Variants in MTO1 observed in about 807,000 individuals in gnomAD.
MTO1 encodes the protein mitochondrial tRNA translation optimization 1.
A neutral mutation model predicts 71.6 loss-of-function variants in MTO1; 46 were observed. The observed-to-expected ratio is 0.64, with a 90% confidence interval of 0.51 to 0.82. MTO1 has a LOEUF of 0.82. Ranked by LOEUF, MTO1 falls within the 40% of genes least tolerant of loss-of-function variation. MTO1 has a pLI of 0.00. For missense variants in MTO1, 773 were observed against 867.5 expected, an observed-to-expected ratio of 0.89 and a Z score of 1.37; for synonymous variants, 297 against 312.1, an observed-to-expected ratio of 0.95 and a Z score of 0.51.
Position 73,500,695 on chromosome 6 carries a change from A to G in MTO1, c.2039A>G (p.Tyr680Cys), listed in dbSNP as rs1373432002. Reference sequence around the variant, plus strand: ...AATGAATCATCCAAGACTGATCAATACTTATGTGATGCAGACAGACTTCAA... The same window carrying G: ...AATGAATCATCCAAGACTGATCAATGCTTATGTGATGCAGACAGACTTCAA... ...AMNESSKTDQ[Y>C]LCDADRLQER... Residue 680 changes from tyrosine (Y) to cysteine (C), a missense_variant, in exon 12 of 12, where the codon TAC becomes TGC. Tyr to Cys is a radical substitution (Grantham distance 194, BLOSUM62 -2). Transcript: ENST00000498286. 1.2e-6 allele frequency: 2 copies of G among 1,608,276 alleles called. No individual in the cohort carries two copies. The highest frequency in any genetic ancestry group is 1.7e-6 in the Non-Finnish European group (2 of 1,177,544).
intron 9 of MTO1, among the ~76,000 whole-genome samples, 198 bp downstream of exon 9, chr6:73,482,818 G>C (rs1336770457): frequency 1.0e-5 from 1 of 98,782 alleles, no homozygotes; most frequent in Non-Finnish European, 1.9e-5. Context: ...TTTTGAGACA[G>C]TCTCGCTCTT....
At position 73,482,637 on chromosome 6, in the gene MTO1, T is replaced by C; in HGVS notation, c.1637+17T>C. ...GCCTGTCAGGTATGCATTTTTAATA[T>C]AGACCTTTCTCACTTTTTATAGAAA... On this transcript the variant is annotated intron_variant, in intron 9 of 11. Transcript: ENST00000498286. 6.4e-7 allele frequency: 1 copy of C among 1,565,934 alleles called. No homozygotes were observed. Among genetic ancestry groups the C allele is most frequent in the Non-Finnish European group, 8.6e-7 (1 of 1,158,726 alleles).
chr6:73,476,226 T>A (rs1771315062), intron 4 of MTO1, among the ~76,000 whole-genome samples: 1 of 136,938 alleles, frequency 7.3e-6, no homozygotes, highest in Non-Finnish European at 1.6e-5. Context: ...ATAAAAAAAT[T>A]AGCCAGGCAT....
intron 3 of MTO1, among the ~76,000 whole-genome samples, chr6:73,472,455 G>T (rs1311745189): frequency 2.0e-5 from 3 of 152,018 alleles, no homozygotes; most frequent in Admixed American, 1.3e-4. Flanking sequence ...TATGATTTTA[G>T]GTACATGTGA....
In MTO1 at chr6:73,473,409, G is replaced by C; in HGVS notation, c.580G>C (p.Gly194Arg). 6.2e-7 allele frequency: 1 copy of C among 1,614,124 alleles called. No individual in the cohort carries two copies. The highest frequency in any genetic ancestry group is 1.6e-4 in the Middle Eastern group (1 of 6,062). The change falls in exon 4 of 12, where the codon GGG becomes CGG. Residue 194 changes from glycine (G) to arginine (R), a missense_variant. By Grantham distance (125) the Gly-to-Arg change is moderately radical. Coordinates refer to ENST00000498286, the MANE Select transcript of MTO1 (RefSeq NM_012123.4). ...VYAESVILTT[G>R]TFLRGMIVIG... ...TGCAGAGAGTGTGATTCTGACTACTGGGACATTTCTGAGAGGCATGATTGT... is the reference window on the plus strand; with the variant it reads ...TGCAGAGAGTGTGATTCTGACTACTCGGACATTTCTGAGAGGCATGATTGT...
rs538457463 is a variant in MTO1 at position 73,465,363 on chromosome 6, C to T, written c.218-846C>T. Among the ~76,000 whole-genome samples the T allele has an allele frequency of 1.4e-3, 217 of 151,986 alleles. 1 individual carries two copies. The highest frequency in any genetic ancestry group is 3.4e-3 in the Middle Eastern group (1 of 294). On this transcript the variant is annotated intron_variant, in intron 1 of 11. Transcript: ENST00000498286. ...TATTTTAGTAGAGACGGGGTTTCAC[C>T]GTGTCGCCCAGGGTGGTCTCAAACT...
rs985509587 is a variant in MTO1 at position 73,503,455 on chromosome 6, C to T, written c.*2720C>T. The stretch of plus-strand genomic sequence containing the variant: ...CACAATGTTTGTATGTTAACTTAAA[C>T]AAAATTACATCACTTAATATGTCAA... On this transcript the variant is annotated 3_prime_UTR_variant, in exon 12 of 12. Transcript: ENST00000498286. The T allele has an allele frequency of 6.6e-6, 1 of 152,306 alleles. No individual in the cohort carries two copies. Among genetic ancestry groups the T allele is most frequent in the African/African-American group, 2.4e-5 (1 of 41,576 alleles). The allele number at this position is 152,306 out of a possible 1,614,324, so 9.4% of individuals were successfully genotyped here. A position where few individuals can be genotyped will look rare whatever the true frequency, so the allele number is the denominator to read the frequency against.
At position 73,480,779 on chromosome 6, in the gene MTO1, A is replaced by G. The variant is rs1582685657; in HGVS notation, c.1234A>G (p.Thr412Ala). ...LFFAGQINGT[T>A]GYEEAAAQGV... ...CTTTGCTGGACAGATCAATGGCACC[A>G]CTGGTTATGAGGAAGCTGCAGCTCA... Residue 412 changes from threonine to alanine, a missense_variant, in exon 7 of 12, where the codon ACT becomes GCT. Coordinates refer to ENST00000498286, the MANE Select transcript of MTO1 (RefSeq NM_012123.4). 2 of 1,613,998 alleles carry G rather than the reference A, an allele frequency of 1.2e-6. No homozygotes were observed. The highest frequency in any genetic ancestry group is 2.2e-5 in the South Asian group (2 of 91,086).
At chr6:73,481,969 G>A (rs1771506571) in intron 7 of MTO1, 71 bp from the exon 8 acceptor site, 3 of 1,518,042 alleles carry the variant, frequency 2.0e-6, no homozygotes, top group African/African-American at 2.7e-5. Flanking sequence ...TTGTTTCTGA[G>A]TAGTGTTCTG....
intron 1 of MTO1, among the ~76,000 whole-genome samples, chr6:73,465,550 C>T (rs1179819184): frequency 6.6e-6 from 1 of 151,858 alleles, no homozygotes; most frequent in East Asian, 1.9e-4. Context: ...TTGGTAGATT[C>T]CTCTGGTGCT....
chr6:73,473,016 CTGTAAGTAA>C lies in MTO1; in HGVS notation c.536-347_536-339del, dbSNP rs1771195175. Among the ~76,000 whole-genome samples the C allele has an allele frequency of 3.3e-5, 5 of 152,198 alleles. No homozygotes were observed. The South Asian group carries it at 1.0e-3, about 31-fold the overall frequency. ...TTAGGCCGGGCGCGGTGGCTCACGC[CTGTAAGTAA>C]TCCCAGCGCTTTGGGAGGCAGAGGT... On this transcript the variant is annotated intron_variant, in intron 3 of 11. Transcript: ENST00000498286.
chr6:73,490,974 G>C (rs559241111), intron 9 of MTO1, among the ~76,000 whole-genome samples: 56 of 152,262 alleles, frequency 3.7e-4, no homozygotes, highest in African/African-American at 1.3e-3. Flanking sequence ...CTGAAGTTTT[G>C]CTCACTAGTT....
At chr6:73,462,714 C>T (rs1770862810) in intron 1 of MTO1, among the ~76,000 whole-genome samples, 1 of 151,992 alleles carries the variant, frequency 6.6e-6, no homozygotes, top group South Asian at 2.1e-4. Flanking sequence ...GGCAAAAGAG[C>T]AAAACTCCGT....
intron 6 of MTO1, chr6:73,480,409 T>C: frequency 1.6e-6 from 1 of 629,090 alleles, no homozygotes; most frequent in Non-Finnish European, 2.9e-6. Context: ...TAACTGGGAT[T>C]ACAGGCATGC....
At chr6:73,500,440 TAA>T in intron 11 of MTO1, 132 bp from the exon 12 acceptor site, 2 of 669,434 alleles carry the variant, frequency 3.0e-6, no homozygotes, top group Non-Finnish European at 4.5e-6. Flanking sequence ...GGAAATATGT[TAA>T]GATAATACAT....
chr6:73,489,416 C>T (rs955688240), intron 9 of MTO1, among the ~76,000 whole-genome samples: 11 of 151,510 alleles, frequency 7.3e-5, no homozygotes, highest in Non-Finnish European at 1.2e-4. Context: ...GGTATATCTC[C>T]TAATGCTATC....
chr6:73,475,817 CA>C, intron 4 of MTO1, among the ~76,000 whole-genome samples: 1 of 151,958 alleles, frequency 6.6e-6, no homozygotes. Flanking sequence ...CAACTGGTCT[CA>C]AACTCTTGAC....
chr6:73,480,093 A>G lies in MTO1; in HGVS notation c.1096A>G (p.Arg366Gly). 1 of 1,614,122 alleles carries G rather than the reference A, an allele frequency of 6.2e-7. No individual in the cohort carries two copies. The highest frequency in any genetic ancestry group is 8.5e-7 in the Non-Finnish European group (1 of 1,180,010). ...ACAAGAGAAAATGATCACATGCATC[A>G]GAGGCTTGGAGAAAGCTAAAGTGAT... ...ELQEKMITCI[R>G]GLEKAKVIQP... The change falls in exon 6 of 12, where the codon AGA becomes GGA. Residue 366 changes from arginine to glycine, a missense_variant. Arg to Gly is a moderately radical substitution (Grantham distance 125, BLOSUM62 -2). Transcript: ENST00000498286.
chr6:73,469,737 G>A (rs1374841762), intron 3 of MTO1, among the ~76,000 whole-genome samples: 1 of 152,170 alleles, frequency 6.6e-6, no homozygotes, highest in Admixed American at 6.5e-5. Flanking sequence ...TGGACACGGT[G>A]GCTCACGCCT....
Sources: gnomAD v4.1 joint callset for allele counts (sites outside exome capture counted in the v4.1 genomes callset) on GRCh38, gnomAD v4.1.1 for gene constraint, MANE v1.5 for transcripts, NCBI Gene and HGNC (gene_info 2026-07-23, HGNC 2026-07-21) for gene names.